The following TERB1 variants were observed in gnomAD, a reference collection of about 807,000 sequenced individuals.
TERB1 encodes the protein telomere repeats-binding bouquet formation protein 1.
Under a neutral mutation model 92.3 loss-of-function variants are expected in TERB1, and 63 were observed. The ratio of observed to expected loss-of-function variants is 0.68; its 90% CI spans 0.56 to 0.84. The LOEUF (loss-of-function observed/expected upper bound fraction) is 0.84, where lower values mean the gene tolerates loss of function less well. Ranked by LOEUF, TERB1 falls within the 40% of genes least tolerant of loss-of-function variation. The probability of loss-of-function intolerance (pLI) is 0.00; values close to 1 mark genes in which losing one functional copy is unlikely to be tolerated. For synonymous variants in TERB1, 252 were observed against 283.9 expected, an observed-to-expected ratio of 0.89 and a Z score of 1.13; for missense variants, 709 against 843.7, an observed-to-expected ratio of 0.84 and a Z score of 1.98.
chr16:66,800,522 C>T (rs1959246097), intron 2 of TERB1, among the ~76,000 whole-genome samples: 1 of 144,598 alleles, frequency 6.9e-6, no homozygotes, highest in Non-Finnish European at 1.5e-5. Flanking sequence ...TCCCCAGTAG[C>T]TGGGATTACA....
At chr16:66,797,294 G>A (rs1959201464) in intron 2 of TERB1, among the ~76,000 whole-genome samples, 1 of 148,990 alleles carries the variant, frequency 6.7e-6, no homozygotes, top group African/African-American at 2.5e-5. Context: ...GGAGCGCAGT[G>A]GCTTGATCAC....
chr16:66,772,827 C>T (rs2018476675), intron 12 of TERB1, 78 bp from the exon 13 acceptor site: 1 of 1,078,628 alleles, frequency 9.3e-7, no homozygotes, highest in Non-Finnish European at 1.3e-6. Context: ...ACAGCCCACC[C>T]TCTCCTTTCT....
intron 10 of TERB1, among the ~76,000 whole-genome samples, chr16:66,778,012 C>A (rs889342283): frequency 6.6e-6 from 1 of 152,162 alleles, no homozygotes; most frequent in Non-Finnish European, 1.5e-5. Context: ...TCCTCAATAA[C>A]CACTTTTTAA....
chr16:66,791,235 C>T (rs2018829960), intron 3 of TERB1, among the ~76,000 whole-genome samples: 1 of 151,564 alleles, frequency 6.6e-6, no homozygotes, highest in Admixed American at 6.6e-5. Context: ...TTGAGTTTCC[C>T]TTTTTATAAA....
At chr16:66,800,839 C>CA (rs1199386839) in intron 2 of TERB1, 138 bp downstream of exon 2, 1 of 152,302 alleles carries the variant, frequency 6.6e-6, no homozygotes, top group African/African-American at 2.4e-5. Context: ...GCAATATGAA[C>CA]ACCCCCCCAC....
At chr16:66,798,429 G>A (rs781516845) in intron 2 of TERB1, among the ~76,000 whole-genome samples, 5 of 152,058 alleles carry the variant, frequency 3.3e-5, no homozygotes, top group African/African-American at 4.8e-5. Flanking sequence ...TGATCCTCCC[G>A]TCTTGGCCTC....
rs775596146 is a variant in TERB1, at chr16:66,775,112, A to G, written c.1111+6T>C. ...TGGTATGTTCTTAAAGTAATAGTAC[A>G]CTTACTAATTTTTTTGCAGTTGTGA... On this transcript the variant is annotated splice_donor_region_variant and intron_variant, in intron 12 of 18. Coordinates refer to ENST00000433154, the MANE Select transcript of TERB1 (RefSeq NM_001136505.2). The G allele has an allele frequency of 1.9e-6, 3 of 1,551,120 alleles. No individual in the cohort carries two copies. Among genetic ancestry groups the G allele is most frequent in the Admixed American group, 2.0e-5 (1 of 50,940 alleles).
chr16:66,786,327 A>G, intron 6 of TERB1, 42 bp from the exon 7 acceptor site: 1 of 1,353,418 alleles, frequency 7.4e-7, no homozygotes, highest in Non-Finnish European at 1.0e-6. Context: ...TTTATTTACA[A>G]ATAGTCTTGC....
intron 9 of TERB1, among the ~76,000 whole-genome samples, chr16:66,781,288 C>G (rs2018631815): frequency 6.6e-6 from 1 of 152,318 alleles, no homozygotes; most frequent in Middle Eastern, 3.4e-3. Context: ...AACTCCTGGG[C>G]TCAAGCGATT....
intron 9 of TERB1, among the ~76,000 whole-genome samples, chr16:66,783,928 C>A (rs568504586): frequency 3.9e-5 from 6 of 152,332 alleles, no homozygotes; most frequent in African/African-American, 9.6e-5. Context: ...AATTTGACTT[C>A]TTTAACAGAT....
chr16:66,756,100 T>C (rs892103575), intron 18 of TERB1, among the ~76,000 whole-genome samples: 1 of 152,206 alleles, frequency 6.6e-6, no homozygotes, highest in Non-Finnish European at 1.5e-5. Flanking sequence ...TAGGAAATAG[T>C]TTTCTTTAAG....
rs1334665778 is a variant in TERB1, at chr16:66,768,121, T to G, written c.1667A>C (p.Gln556Pro). 1.9e-6 allele frequency: 3 copies of G among 1,550,556 alleles called. No homozygotes were observed. Residue 556 changes from glutamine (Q) to proline (P), a missense_variant, in exon 15 of 19, where the codon CAG (glutamine) becomes CCG (proline). By Grantham distance (76) the Gln-to-Pro change is moderately conservative. Coordinates refer to ENST00000433154, the MANE Select transcript of TERB1 (RefSeq NM_001136505.2). ...AATCATACCTGTTACTGGTAACTGC[T>G]GCTTTATATTTTTGGCAATGTGAAC... ...HPVHIAKNIK[Q>P]QLPVTDPFTL...
At chr16:66,791,467 C>T (rs2018834414) in intron 3 of TERB1, among the ~76,000 whole-genome samples, 1 of 151,708 alleles carries the variant, frequency 6.6e-6, no homozygotes, top group African/African-American at 2.4e-5. Context: ...AATATAGGTA[C>T]AATAAAGGAA....
In TERB1 at chr16:66,770,102, G is replaced by C. The variant is rs1276471739; in HGVS notation, c.1480C>G (p.Pro494Ala). Residue 494 changes from proline to alanine, a missense_variant, in exon 14 of 19, where the codon CCG (proline) becomes GCG (alanine). Physicochemically the swap from Pro to Ala is conservative, Grantham distance 27. Transcript: ENST00000433154. ...TGGACTGGATTTGCGCTCTTTAACG[G>C]TGTCTTCATTTGGTCATCATTTGTA... ...ACTNDDQMKTPLKSANPVHAC... is the reference protein window; with the variant it reads ...ACTNDDQMKTALKSANPVHAC... The C allele has an allele frequency of 1.4e-5, 21 of 1,552,036 alleles. No individual in the cohort carries two copies. Among genetic ancestry groups the C allele is most frequent in the Non-Finnish European group, 1.8e-5 (21 of 1,147,068 alleles).
chr16:66,768,726 C>T (rs1223388805), intron 14 of TERB1, among the ~76,000 whole-genome samples: 3 of 152,064 alleles, frequency 2.0e-5, no homozygotes, highest in Non-Finnish European at 2.9e-5. Context: ...TGTCCATGTA[C>T]GTATATTTGT....
At chr16:66,793,491 T>G (rs1053704131) in intron 3 of TERB1, among the ~76,000 whole-genome samples, 9 of 151,790 alleles carry the variant, frequency 5.9e-5, no homozygotes, top group Non-Finnish European at 1.3e-4. Flanking sequence ...ATGCTGGGAT[T>G]ACAAGCATGA....
At chr16:66,783,678 T>C (rs1464769074) in intron 9 of TERB1, among the ~76,000 whole-genome samples, 1 of 152,220 alleles carries the variant, frequency 6.6e-6, no homozygotes, top group African/African-American at 2.4e-5. Flanking sequence ...ATGTAACCAT[T>C]AAGGCCTGGA....
In TERB1 at chr16:66,778,856, C is replaced by T. The variant is rs1452512231; in HGVS notation, c.853+7G>A. 1.4e-6 allele frequency: 2 copies of T among 1,478,546 alleles called. No individual in the cohort carries two copies. The highest frequency in any genetic ancestry group is 1.3e-5 in the South Asian group (1 of 74,422). 91.6% of individuals were successfully genotyped at this position (1,478,546 alleles called of 1,614,324 possible). ...TTTCAAAAAAACTAGTAAGCACTGT[C>T]ACTCACGATTATCAGCAATGCATGC... On this transcript the variant is annotated splice_region_variant and intron_variant, in intron 10 of 18. Transcript: ENST00000433154.
In TERB1 at chr16:66,777,509, T is replaced by C. The variant is rs149497369; in HGVS notation, c.854-175A>G. Reference sequence around the variant, plus strand: ...TGTATGTGTGAATATAAATAAAATATAAATTCATTGTAATAAGATGGCGGC... The same window carrying C: ...TGTATGTGTGAATATAAATAAAATACAAATTCATTGTAATAAGATGGCGGC... On this transcript the variant is annotated intron_variant, in intron 10 of 18. Coordinates refer to ENST00000433154, the MANE Select transcript of TERB1 (RefSeq NM_001136505.2). Among the ~76,000 whole-genome samples, 246 of 152,294 alleles carry C rather than the reference T, an allele frequency of 1.6e-3. 1 individual carries two copies. Among genetic ancestry groups the C allele is most frequent in the African/African-American group, 5.8e-3 (241 of 41,562 alleles).
Sources: allele counts gnomAD v4.1 joint callset (sites outside exome capture counted in the v4.1 genomes callset), GRCh38; gene constraint gnomAD v4.1.1; transcripts MANE v1.5; gene names NCBI Gene and HGNC (gene_info 2026-07-23, HGNC 2026-07-21).